The following CACNA1C variants were observed in gnomAD, a reference collection of about 807,000 sequenced individuals.
CACNA1C encodes voltage-dependent L-type calcium channel subunit alpha-1C.
Under a neutral mutation model 229.0 loss-of-function variants are expected in CACNA1C, and 30 were observed. The observed-to-expected ratio is 0.13, with a 90% CI of 0.10 to 0.18. The LOEUF (loss-of-function observed/expected upper bound fraction) is 0.18. Among genes scored for constraint, CACNA1C ranks in the 10% least tolerant of loss-of-function variants. The pLI is 1.00. For missense variants in CACNA1C, 1,658 were observed against 2,845.0 expected (o/e 0.58, Z 9.49); for synonymous variants, 1,114 against 1,132.5 (o/e 0.98, Z 0.33).
chr12:2,437,958 G>A (rs1483233598), intron 3 of CACNA1C, among the ~76,000 whole-genome samples: 1 of 150,612 alleles, frequency 6.6e-6, no homozygotes. Flanking sequence ...TGGTGGTGAT[G>A]GTTGGGATGG....
At chr12:2,094,462 C>G (rs2238025) in intron 1 of CACNA1C, among the ~76,000 whole-genome samples, 12,867 of 152,162 alleles carry the variant, frequency 0.085, 1,159 homozygotes, top group African/African-American at 0.22. Context: ...GCAGGGGCCT[C>G]CTCTCTTTTG....
At chr12:2,321,256 C>T (rs1226378745) in intron 3 of CACNA1C, among the ~76,000 whole-genome samples, 2 of 151,974 alleles carry the variant, frequency 1.3e-5, no homozygotes, top group Non-Finnish European at 2.9e-5. Flanking sequence ...CTGTACTCAC[C>T]TTGGCTCCTC....
intron 3 of CACNA1C, among the ~76,000 whole-genome samples, chr12:2,443,615 T>G (rs1295153598): frequency 2.0e-5 from 3 of 152,184 alleles, no homozygotes; most frequent in Non-Finnish European, 4.4e-5. Context: ...GAATATTTGG[T>G]GCCTTCTCAA....
intron 3 of CACNA1C, among the ~76,000 whole-genome samples, chr12:2,382,015 C>T (rs1436488918): frequency 6.6e-6 from 1 of 152,196 alleles, no homozygotes; most frequent in Non-Finnish European, 1.5e-5. Context: ...CCATCCCTCT[C>T]TGTGTCATTT....
chr12:2,656,263 C>T (rs1373735398), intron 34 of CACNA1C, among the ~76,000 whole-genome samples: 1 of 152,110 alleles, frequency 6.6e-6, no homozygotes, highest in Admixed American at 6.5e-5. Flanking sequence ...AAAATCAACC[C>T]ACAAAAATGA....
intron 3 of CACNA1C, among the ~76,000 whole-genome samples, chr12:2,182,173 A>G (rs1219557225): frequency 6.6e-6 from 1 of 151,098 alleles, no homozygotes; most frequent in Non-Finnish European, 1.5e-5. Flanking sequence ...ACCAACCTTG[A>G]ACCCATGTAA....
At chr12:2,557,378 A>G (rs557197979) in intron 11 of CACNA1C, among the ~76,000 whole-genome samples, 4 of 152,328 alleles carry the variant, frequency 2.6e-5, no homozygotes, top group African/African-American at 9.6e-5. Flanking sequence ...ACGTAGGATT[A>G]TGACACCCGT....
rs188922979 is a variant in CACNA1C at position 2,164,320 on chromosome 12, G to A, written c.477+43890G>A. On this transcript the variant is annotated intron_variant, in intron 3 of 46. Transcript: ENST00000399655. ...GAAGGCTGACGGTTCACTGAATGAG[G>A]CATTGTGGAGGGCGTAGAAAACATG... is the stretch of plus-strand genomic sequence containing the variant. Among the ~76,000 whole-genome samples the A allele has an allele frequency of 2.5e-3, 386 of 152,348 alleles. 3 individuals are homozygous for A. Among genetic ancestry groups the A allele is most frequent in the Admixed American group, 6.8e-3 (104 of 15,306 alleles).
chr12:2,216,957 A>G (rs547945241), intron 3 of CACNA1C, among the ~76,000 whole-genome samples: 2 of 152,378 alleles, frequency 1.3e-5, no homozygotes, highest in South Asian at 2.1e-4. Context: ...TTGTTTGCCC[A>G]TGTTCATATC....
intron 1 of CACNA1C, among the ~76,000 whole-genome samples, chr12:2,005,332 C>A (rs778343641): frequency 2.0e-5 from 3 of 151,430 alleles, no homozygotes; most frequent in Non-Finnish European, 2.9e-5. Flanking sequence ...ATATTTGTCT[C>A]TAGGAAAATA....
chr12:1,989,821 C>T lies in CACNA1C; in HGVS notation c.139+18620C>T, dbSNP rs111943215. Among the ~76,000 whole-genome samples the T allele has an allele frequency of 9.6e-3, 1,463 of 152,064 alleles. 9 individuals carry two copies. The highest frequency in any genetic ancestry group is 0.014 in the Non-Finnish European group (967 of 67,984). On this transcript the variant is annotated intron_variant, in intron 1 of 46. Transcript: ENST00000682462. Reference sequence around the variant, plus strand: ...CATATGCTAATATCTTATTTAGTTGCGAAATGAAAAACACAGTAAGTGATT... The same window carrying T: ...CATATGCTAATATCTTATTTAGTTGTGAAATGAAAAACACAGTAAGTGATT...
At chr12:2,477,532 T>C (rs899206084) in intron 5 of CACNA1C, among the ~76,000 whole-genome samples, 2 of 152,286 alleles carry the variant, frequency 1.3e-5, no homozygotes, top group African/African-American at 2.4e-5. Flanking sequence ...CACTCTGCTC[T>C]CTGGCTGGGG....
At chr12:2,159,822 G>A (rs942791502) in intron 3 of CACNA1C, among the ~76,000 whole-genome samples, 2 of 152,108 alleles carry the variant, frequency 1.3e-5, no homozygotes, top group African/African-American at 2.4e-5. Flanking sequence ...CAGGCTGGTA[G>A]CGAACTCCTG....
chr12:2,682,037 G>C, intron 42 of CACNA1C: 1 of 1,600,548 alleles, frequency 6.2e-7, no homozygotes, highest in Non-Finnish European at 8.6e-7. Context: ...TTCTGCTCAG[G>C]AGAGCAAACC....
At chr12:2,003,019 T>C (rs1593458572) in intron 1 of CACNA1C, among the ~76,000 whole-genome samples, 1 of 152,202 alleles carries the variant, frequency 6.6e-6, no homozygotes, top group South Asian at 2.1e-4. Context: ...GAACGAATAT[T>C]AAAGAGCTCT....
At chr12:2,362,661 T>C (rs1240172184) in intron 3 of CACNA1C, among the ~76,000 whole-genome samples, 3 of 152,190 alleles carry the variant, frequency 2.0e-5, no homozygotes, top group African/African-American at 7.2e-5. Flanking sequence ...AGGCACTCAG[T>C]GTTTTGATGG....
chr12:2,238,644 A>T (rs2068497114), intron 3 of CACNA1C, among the ~76,000 whole-genome samples: 1 of 152,234 alleles, frequency 6.6e-6, no homozygotes, highest in African/African-American at 2.4e-5. Context: ...AGGACTAGCC[A>T]TTCTCTGGGA....
Position 2,692,749 on chromosome 12 carries a change from T to G in CACNA1C, c.*1550T>G, listed in dbSNP as rs1246338086. The G allele has an allele frequency of 6.5e-6, 1 of 152,712 alleles. No homozygotes were observed. Among genetic ancestry groups the G allele is most frequent in the Non-Finnish European group, 1.5e-5 (1 of 68,042 alleles). 9.5% of individuals were successfully genotyped at this position (152,712 alleles called of 1,614,324 possible). A position where few individuals can be genotyped will look rare whatever the true frequency, so the allele number is the denominator to read the frequency against. On this transcript the variant is annotated 3_prime_UTR_variant, in exon 47 of 47. Transcript: ENST00000399655. ...GTGTAATGTTTTATTGCATTGATAA[T>G]GTTTCTGTTGAAGAAACCGTTATAC...
At chr12:2,558,036 A>G (rs568014379) in intron 11 of CACNA1C, among the ~76,000 whole-genome samples, 1 of 152,320 alleles carries the variant, frequency 6.6e-6, no homozygotes, top group East Asian at 1.9e-4. Context: ...TATCTCCTAC[A>G]TGGCAGGAGC....
Sources: gnomAD v4.1 joint callset for allele counts (sites outside exome capture counted in the v4.1 genomes callset) on GRCh38, gnomAD v4.1.1 for gene constraint, MANE v1.5 for transcripts, NCBI Gene and HGNC (gene_info 2026-07-23, HGNC 2026-07-21) for gene names.